Variants in NCOA7 observed in about 807,000 individuals in gnomAD.
NCOA7 encodes nuclear receptor coactivator 7.
NCOA7 carries 45 observed loss-of-function variants against 104.3 expected under a neutral mutation model. The ratio of observed to expected loss-of-function variants is 0.43; its 90% CI spans 0.34 to 0.55. NCOA7 has a LOEUF of 0.55. NCOA7 is among the 20% of genes least tolerant of loss of function. The probability of loss-of-function intolerance (pLI) is 0.02; values close to 1 mark genes in which losing one functional copy is unlikely to be tolerated. For synonymous variants in NCOA7, 398 were observed against 402.3 expected (o/e 0.99, Z 0.13); for missense variants, 1,041 against 1,119.7 (o/e 0.93, Z 1.00).
chr6:125,886,144 C>T (rs1056183671), intron 8 of NCOA7, among the ~76,000 whole-genome samples: 3 of 142,962 alleles, frequency 2.1e-5, no homozygotes, highest in East Asian at 4.0e-4. Flanking sequence ...AAGAGGGAAA[C>T]TAGCCCTTGG....
At chr6:125,872,508 G>T (rs1783016858) in intron 3 of NCOA7, among the ~76,000 whole-genome samples, 1 of 152,126 alleles carries the variant, frequency 6.6e-6, no homozygotes, top group African/African-American at 2.4e-5. Context: ...CAGCAAGAAG[G>T]GCAGAAGTAT....
chr6:125,902,412 G>A (rs9491531), intron 10 of NCOA7, among the ~76,000 whole-genome samples: 25,015 of 151,842 alleles, frequency 0.16, 2,327 homozygotes, highest in African/African-American at 0.27. Context: ...AGTAACAGGC[G>A]GAACCAACTT....
chr6:125,826,512 C>T (rs990596547), intron 2 of NCOA7, among the ~76,000 whole-genome samples: 7 of 151,438 alleles, frequency 4.6e-5, no homozygotes, highest in African/African-American at 7.3e-5. Flanking sequence ...TTATATTAGC[C>T]GATGCAACTA....
At chr6:125,845,638 G>T (rs953779834) in intron 2 of NCOA7, among the ~76,000 whole-genome samples, 1 of 152,136 alleles carries the variant, frequency 6.6e-6, no homozygotes, top group African/African-American at 2.4e-5. Flanking sequence ...GCTGGGCATG[G>T]TGGTGCTGCA....
At chr6:125,880,202 G>T (rs1238677058) in intron 5 of NCOA7, among the ~76,000 whole-genome samples, 1 of 152,088 alleles carries the variant, frequency 6.6e-6, no homozygotes, top group Non-Finnish European at 1.5e-5. Context: ...AAAATATTGG[G>T]ATTATTTTAT....
At chr6:125,874,794 G>T in intron 3 of NCOA7, 95 bp from the exon 4 acceptor site, 2 of 863,966 alleles carry the variant, frequency 2.3e-6, no homozygotes, top group Admixed American at 2.2e-5. Flanking sequence ...CTTTTTGTCA[G>T]TTGATTTGAA....
chr6:125,882,601 A>G (rs1271000316), intron 7 of NCOA7, 50 bp downstream of exon 7: 1 of 1,586,354 alleles, frequency 6.3e-7, no homozygotes, highest in Non-Finnish European at 8.6e-7. Flanking sequence ...ATGAAAAACT[A>G]AACAAAGTTA....
Position 125,903,659 on chromosome 6 carries a change from CTG to C in NCOA7, c.2097-11671_2097-11670del, listed in dbSNP as rs1220067363. On this transcript the variant is annotated intron_variant, in intron 10 of 15. Coordinates refer to ENST00000392477, the MANE Select transcript of NCOA7 (RefSeq NM_181782.5). ...TTAGTCTTTTCCTAAATAGCAATAT[CTG>C]TGAAATCAGAAAAATAATATGCTAG... Among the ~76,000 whole-genome samples, 4 of 151,322 alleles carry C rather than the reference CTG, an allele frequency of 2.6e-5. No individual in the cohort carries two copies. The East Asian group carries it at 7.7e-4, about 29-fold the overall frequency.
rs193291116 is a variant in NCOA7, at chr6:125,825,873, A to G, written c.50+10469A>G. On this transcript the variant is annotated intron_variant, in intron 2 of 15. Coordinates refer to ENST00000392477, the MANE Select transcript of NCOA7 (RefSeq NM_181782.5). The stretch of plus-strand genomic sequence containing the variant: ...TTTATATAAACGATATTCTTATTTT[A>G]TAAGGGTAGATATATTTTAAATGTA... Among the ~76,000 whole-genome samples, 18 of 152,266 alleles carry G rather than the reference A, an allele frequency of 1.2e-4. No individual in the cohort carries two copies. The East Asian group carries it at 3.1e-3, about 26-fold the overall frequency.
intron 10 of NCOA7, among the ~76,000 whole-genome samples, chr6:125,899,729 T>A (rs1785325400): frequency 6.6e-6 from 1 of 152,178 alleles, no homozygotes; most frequent in African/African-American, 2.4e-5. Context: ...TTATTTTACC[T>A]TTTTTTCATC....
chr6:125,814,992 A>G (rs1368502785), intron 1 of NCOA7, among the ~76,000 whole-genome samples: 1 of 152,196 alleles, frequency 6.6e-6, no homozygotes, highest in Non-Finnish European at 1.5e-5. Flanking sequence ...TAGTTAGGCT[A>G]CAATCTTCCA....
At chr6:125,870,930 T>C (rs530985813) in intron 3 of NCOA7, among the ~76,000 whole-genome samples, 1 of 152,258 alleles carries the variant, frequency 6.6e-6, no homozygotes, top group African/African-American at 2.4e-5. Flanking sequence ...CAGAAAGAAA[T>C]GGGCTAGGCT....
chr6:125,907,144 G>A (rs1786085446), intron 10 of NCOA7, among the ~76,000 whole-genome samples: 1 of 152,194 alleles, frequency 6.6e-6, no homozygotes, highest in African/African-American at 2.4e-5. Context: ...TGAGGGCCCT[G>A]TCTACGTGAG....
rs369819636 is a variant in NCOA7 at position 125,913,308 on chromosome 6, T to C, written c.2097-2025T>C. 2.7e-4 allele frequency among the ~76,000 whole-genome samples: 41 copies of C among 152,312 alleles called. No individual in the cohort carries two copies. In the East Asian group the frequency reaches 6.8e-3, roughly 25 times the overall value. ...ATCAAGCCTGAAGAAAGTCTGAAGG[T>C]AGAATCCTTCTTCCTTAAGAGACCT... On this transcript the variant is annotated intron_variant, in intron 10 of 15. Coordinates refer to ENST00000392477, the MANE Select transcript of NCOA7 (RefSeq NM_181782.5).
intron 10 of NCOA7, among the ~76,000 whole-genome samples, chr6:125,903,644 C>T (rs964014614): frequency 4.0e-5 from 6 of 151,812 alleles, no homozygotes; most frequent in Admixed American, 2.0e-4. Flanking sequence ...TTAGTCTTTT[C>T]CTAAATAGCA....
intron 2 of NCOA7, among the ~76,000 whole-genome samples, chr6:125,818,574 A>G (rs1777819447): frequency 6.6e-6 from 1 of 152,072 alleles, no homozygotes; most frequent in Admixed American, 6.6e-5. Context: ...GGGTAGGAGC[A>G]GGGAGAGAGA....
At position 125,921,889 on chromosome 6, in the gene NCOA7, T is replaced by A. The variant is rs1787618539; in HGVS notation, c.2371-793T>A. On this transcript the variant is annotated intron_variant, in intron 12 of 15. Coordinates refer to ENST00000392477, the MANE Select transcript of NCOA7 (RefSeq NM_181782.5). ...AATTCATGAAATATTATAATGCACT[T>A]ATGTTTGAACTGTAGTAAGGAATCC... Among the ~76,000 whole-genome samples, 4 of 152,222 alleles carry A rather than the reference T, an allele frequency of 2.6e-5. No individual in the cohort carries two copies. The South Asian group carries it at 8.3e-4, about 32-fold the overall frequency.
At chr6:125,814,724 G>A (rs1035362299) in intron 1 of NCOA7, among the ~76,000 whole-genome samples, 7 of 152,168 alleles carry the variant, frequency 4.6e-5, no homozygotes, top group Non-Finnish European at 1.0e-4. Context: ...GGAGACGCAA[G>A]GGTTTAAAGC....
In NCOA7 at chr6:125,930,831, T is replaced by A. The variant is rs1057315902; in HGVS notation, c.*2060T>A. The stretch of plus-strand genomic sequence containing the variant: ...TTAAATAATGTGTTGGTGTGAGATA[T>A]CAGGAATGTCTCATGATATCACGTT... On this transcript the variant is annotated 3_prime_UTR_variant, in exon 16 of 16. Transcript: ENST00000392477. 6.6e-6 allele frequency: 1 copy of A among 152,462 alleles called. No individual in the cohort carries two copies. The highest frequency in any genetic ancestry group is 2.4e-5 in the African/African-American group (1 of 41,432). 9.4% of individuals were successfully genotyped at this position (152,462 alleles called of 1,614,324 possible).
Sources: allele counts gnomAD v4.1 joint callset (sites outside exome capture counted in the v4.1 genomes callset), GRCh38; gene constraint gnomAD v4.1.1; transcripts MANE v1.5; gene names NCBI Gene and HGNC (gene_info 2026-07-23, HGNC 2026-07-21).